Variants in SMC2 observed in about 807,000 individuals in gnomAD.
SMC2 encodes the protein structural maintenance of chromosomes 2.
SMC2 carries 41 observed loss-of-function variants against 142.6 expected under a neutral mutation model. The ratio of observed to expected loss-of-function variants is 0.29; its 90% CI spans 0.22 to 0.37. The LOEUF is 0.37. Ranked by LOEUF, SMC2 falls within the 10% of genes least tolerant of loss-of-function variation. The pLI, the probability that SMC2 is intolerant of heterozygous loss-of-function variation, is 1.00. For synonymous variants in SMC2, 463 were observed against 457.5 expected (o/e 1.01, Z -0.15); for missense variants, 1,265 against 1,373.7 (o/e 0.92, Z 1.25).
At chr9:104,114,121 C>T (rs1182216284) in intron 12 of SMC2, 40 bp downstream of exon 12, 6 of 1,205,118 alleles carry the variant, frequency 5.0e-6, no homozygotes, top group Non-Finnish European at 7.0e-6. Context: ...TAGTAATAAT[C>T]AAGACATTTT....
At chr9:104,091,480 T>C (rs565563986), upstream of SMC2, among the ~76,000 whole-genome samples, 31 of 152,272 alleles carry the variant, frequency 2.0e-4, no homozygotes, top group Non-Finnish European at 2.2e-4. Context: ...ACGAGTGTAT[T>C]CAAAAAGTGC....
At position 104,102,091 on chromosome 9, in the gene SMC2, G is replaced by A. The variant is rs772835208; in HGVS notation, c.768G>A (p.Met256Ile). The change falls in exon 8 of 25, where the codon ATG becomes ATA. Residue 256 changes from methionine (M) to isoleucine (I), a missense_variant. Around this residue, in one of 4 missense-constraint regions of SMC2, gnomAD observed 898 missense variants for 904.2 expected, o/e 0.99. Coordinates refer to ENST00000374793, the MANE Select transcript of SMC2 (RefSeq NM_006444.3). ...GCTCAGCTGAGGAATTAAAAGAAAT[G>A]CAAGATAAAGTTATAAAGCTTCAGG... ...KVRSAEELKE[M>I]QDKVIKLQEE... is the part of the protein sequence containing the mutation. The A allele has an allele frequency of 1.5e-5, 24 of 1,602,396 alleles. No individual in the cohort carries two copies. The highest frequency in any genetic ancestry group is 1.3e-5 in the African/African-American group (1 of 74,428).
At chr9:104,116,432 A>G (rs1304548178) in intron 14 of SMC2, 113 bp downstream of exon 14, 3 of 1,053,744 alleles carry the variant, frequency 2.8e-6, no homozygotes, top group Middle Eastern at 2.5e-4. Flanking sequence ...AAATTAAAAT[A>G]CAAAAAAATT....
chr9:104,127,164 T>C (rs1834401826), intron 19 of SMC2, 122 bp from the exon 20 acceptor site: 2 of 686,552 alleles, frequency 2.9e-6, no homozygotes, highest in Non-Finnish European at 4.8e-6. Flanking sequence ...GGTTAGGTGA[T>C]CATCTCTCTG....
At chr9:104,124,499 G>T (rs1424953669) in intron 17 of SMC2, among the ~76,000 whole-genome samples, 1 of 152,018 alleles carries the variant, frequency 6.6e-6, no homozygotes, top group Non-Finnish European at 1.5e-5. Flanking sequence ...TATAAAATAG[G>T]CAAAGAACAT....
At chr9:104,095,971 A>G (rs1830408726) in intron 2 of SMC2, among the ~76,000 whole-genome samples, 177 bp from the exon 3 acceptor site, 1 of 152,194 alleles carries the variant, frequency 6.6e-6, no homozygotes, top group Non-Finnish European at 1.5e-5. Context: ...AAAAGTGTCC[A>G]TTGCAGGTTG....
At chr9:104,133,463 T>TTGTTAC (rs1416010522) in intron 22 of SMC2, among the ~76,000 whole-genome samples, 1 of 152,194 alleles carries the variant, frequency 6.6e-6, no homozygotes, top group Admixed American at 6.6e-5. Context: ...TGAGATTTTC[T>TTGTTAC]TGTTACTATA....
At position 104,094,447 on chromosome 9, in the gene SMC2, G is replaced by A. The variant is rs1830212146; in HGVS notation, c.-92G>A. 2.5e-6 allele frequency: 1 copy of A among 398,474 alleles called. No homozygotes were observed. Among genetic ancestry groups the A allele is most frequent in the Admixed American group, 4.4e-5 (1 of 22,706 alleles). The allele number at this position is 398,474 out of a possible 1,614,324, so 24.7% of individuals were successfully genotyped here. A position where few individuals can be genotyped will look rare whatever the true frequency, so the allele number is the denominator to read the frequency against. ...CCTTTGTGACCCGGAGGAGCTTTTG[G>A]GGTGCGTCAAGCCCCTGGCCTGAGG... On this transcript the variant is annotated 5_prime_UTR_variant, in exon 1 of 25. Coordinates refer to ENST00000374793, the MANE Select transcript of SMC2 (RefSeq NM_006444.3).
At chr9:104,127,188 T>A in intron 19 of SMC2, 98 bp from the exon 20 acceptor site, 1 of 864,430 alleles carries the variant, frequency 1.2e-6, no homozygotes, top group Non-Finnish European at 1.7e-6. Flanking sequence ...GTAATCACAT[T>A]GCCCTCTTGC....
intron 16 of SMC2, 93 bp downstream of exon 16, chr9:104,120,255 T>A: frequency 8.6e-7 from 1 of 1,162,208 alleles, no homozygotes; most frequent in South Asian, 1.7e-5. Context: ...AGCTTCTGAC[T>A]TTTCTCATAT....
intron 9 of SMC2, among the ~76,000 whole-genome samples, chr9:104,108,422 C>T (rs1022268853): frequency 6.6e-6 from 1 of 152,132 alleles, no homozygotes; most frequent in Non-Finnish European, 1.5e-5. Context: ...TCCATATACT[C>T]GTCCTCTAGA....
At chr9:104,124,854 G>A (rs888858080) in intron 17 of SMC2, 58 bp from the exon 18 acceptor site, 3 of 1,355,580 alleles carry the variant, frequency 2.2e-6, no homozygotes, top group African/African-American at 3.0e-5. Flanking sequence ...ATTAAAAGTT[G>A]AATTTGTCAA....
At chr9:104,107,235 T>G (rs1462527879) in intron 9 of SMC2, among the ~76,000 whole-genome samples, 1 of 152,194 alleles carries the variant, frequency 6.6e-6, no homozygotes, top group Non-Finnish European at 1.5e-5. Context: ...CAGCGTCGCA[T>G]GTAGTGCTCT....
In SMC2 at chr9:104,113,333, G is replaced by A. The variant is rs1187739261; in HGVS notation, c.1272G>A (p.Lys424=). 11 of 1,606,764 alleles carry A rather than the reference G, an allele frequency of 6.8e-6. No individual in the cohort carries two copies. The highest frequency in any genetic ancestry group is 9.3e-6 in the Non-Finnish European group (11 of 1,177,014). ...TEAKQAQMKL[K]HAQQELKNKQ... is the part of the protein sequence containing the mutation. ...TGCCACAGGCTCAGATGAAGTTGAA[G>A]CATGCTCAACAGGAATTAAAGAATA... The change falls in exon 11 of 25, where the codon AAG becomes AAA. Residue 424 remains lysine (K), a synonymous_variant. Transcript: ENST00000374793.
upstream of SMC2, chr9:104,092,051 G>A (rs1304358550): frequency 6.6e-6 from 1 of 152,174 alleles, no homozygotes; most frequent in African/African-American, 2.4e-5. Flanking sequence ...CAAATTAGGG[G>A]GCTTCACTGG....
At chr9:104,116,385 A>G (rs1443045444) in intron 14 of SMC2, 66 bp downstream of exon 14, 15 of 1,450,110 alleles carry the variant, frequency 1.0e-5, no homozygotes, top group Admixed American at 8.3e-5. Context: ...GTTAGAAGAC[A>G]TTAATTTTGA....
At chr9:104,111,459 A>C in intron 9 of SMC2, 122 bp from the exon 10 acceptor site, 1 of 606,244 alleles carries the variant, frequency 1.6e-6, no homozygotes, top group Non-Finnish European at 2.9e-6. Context: ...TATGATGGTT[A>C]AATTATTTTA....
intron 22 of SMC2, among the ~76,000 whole-genome samples, chr9:104,132,792 C>T (rs1835125059): frequency 6.6e-6 from 1 of 151,730 alleles, no homozygotes; most frequent in Non-Finnish European, 1.5e-5. Context: ...AAAAGGCTGA[C>T]CCTATTAATT....
upstream of SMC2, chr9:104,092,126 T>C (rs1015741992): frequency 3.9e-5 from 6 of 152,228 alleles, no homozygotes; most frequent in African/African-American, 1.4e-4. Flanking sequence ...AAGTTAGTCA[T>C]CAGTGATTTC....
Sources: allele counts gnomAD v4.1 joint callset (sites outside exome capture counted in the v4.1 genomes callset), GRCh38; gene constraint gnomAD v4.1.1; regional missense constraint gnomAD v4.1.1; transcripts MANE v1.5; gene names NCBI Gene and HGNC (gene_info 2026-07-23, HGNC 2026-07-21).